Variants in UBR3 observed in about 807,000 individuals in gnomAD.
UBR3 encodes E3 ubiquitin-protein ligase UBR3.
In UBR3, 85 loss-of-function variants were observed where a neutral mutation model predicts 243.2. The observed-to-expected ratio is 0.35, with a 90% CI of 0.29 to 0.42. The LOEUF (loss-of-function observed/expected upper bound fraction) is 0.42, where lower values mean the gene tolerates loss of function less well. Among genes scored for constraint, UBR3 ranks in the 10% least tolerant of loss-of-function variants. The pLI, the probability that UBR3 is intolerant of heterozygous loss-of-function variation, is 1.00. For missense variants in UBR3, 1,686 were observed against 2,300.8 expected (o/e 0.73, Z 5.47); for synonymous variants, 748 against 799.8 (o/e 0.94, Z 1.09).
At chr2:169,839,767 T>A (rs2082232631) in intron 1 of UBR3, among the ~76,000 whole-genome samples, 1 of 152,178 alleles carries the variant, frequency 6.6e-6, no homozygotes, top group Non-Finnish European at 1.5e-5. Context: ...AGATCACAAG[T>A]AAGTGTAAAA....
Position 170,075,963 on chromosome 2 carries a change from G to A in UBR3, c.5199+2356G>A, listed in dbSNP as rs187672046. Among the ~76,000 whole-genome samples the A allele has an allele frequency of 8.2e-4, 124 of 150,418 alleles. 1 individual carries two copies. The highest frequency in any genetic ancestry group is 2.5e-3 in the Admixed American group (38 of 15,084). On this transcript the variant is annotated intron_variant, in intron 36 of 38. Coordinates refer to ENST00000272793, the MANE Select transcript of UBR3 (RefSeq NM_172070.4). ...TTGGAAGCATACTTGGTAACCTGCA[G>A]AATTGAAGAGCTTAACTGTCATCGC...
Position 170,007,819 on chromosome 2 carries a change from G to A in UBR3, c.4230+629G>A, listed in dbSNP as rs74499100. Among the ~76,000 whole-genome samples the A allele has an allele frequency of 2.7e-4, 41 of 152,152 alleles. No individual in the cohort carries two copies. In the East Asian group the frequency reaches 6.6e-3, roughly 24 times the overall value. On this transcript the variant is annotated intron_variant, in intron 28 of 38. Transcript: ENST00000272793. ...CCGGAGGTTGCAGGGAGCTGGGATC[G>A]TGCCACTCCACTCCAGTCTAGGCAG...
chr2:169,941,729 C>G (rs893862574), intron 19 of UBR3, among the ~76,000 whole-genome samples: 3 of 152,130 alleles, frequency 2.0e-5, no homozygotes, highest in Admixed American at 6.5e-5. Flanking sequence ...TTGTTATTAT[C>G]CATATTTTCA....
chr2:169,884,796 A>G (rs1284878088), intron 5 of UBR3, among the ~76,000 whole-genome samples: 4 of 152,332 alleles, frequency 2.6e-5, no homozygotes, highest in East Asian at 3.9e-4. Context: ...AAAAATGAAT[A>G]TGATTATTAT....
Position 170,060,775 on chromosome 2 carries a change from T to G in UBR3, c.4786-304T>G, listed in dbSNP as rs575356698. Reference sequence around the variant, plus strand: ...TTTTTTTTCTTTTGGATTATATCCCTGGAAAGAATTCCCAGGGGTGGGAAT... The same window carrying G: ...TTTTTTTTCTTTTGGATTATATCCCGGGAAAGAATTCCCAGGGGTGGGAAT... On this transcript the variant is annotated intron_variant, in intron 33 of 38. Coordinates refer to ENST00000272793, the MANE Select transcript of UBR3 (RefSeq NM_172070.4). Among the ~76,000 whole-genome samples, 6 of 152,218 alleles carry G rather than the reference T, an allele frequency of 3.9e-5. No individual in the cohort carries two copies. The East Asian group carries it at 1.2e-3, about 29-fold the overall frequency.
intron 1 of UBR3, among the ~76,000 whole-genome samples, chr2:169,857,520 G>T (rs113665806): frequency 6.6e-6 from 1 of 151,368 alleles, no homozygotes; most frequent in Admixed American, 6.6e-5. Flanking sequence ...AAGTTCAAGC[G>T]TTCCTCCTGC....
At chr2:169,895,109 A>G in intron 6 of UBR3, 72 bp from the exon 7 acceptor site, 1 of 1,376,756 alleles carries the variant, frequency 7.3e-7, no homozygotes. Context: ...TTTATGGTTT[A>G]TGGGTTATTA....
intron 24 of UBR3, among the ~76,000 whole-genome samples, chr2:169,963,767 T>A (rs2087685117): frequency 6.6e-6 from 1 of 152,188 alleles, no homozygotes; most frequent in Admixed American, 6.5e-5. Flanking sequence ...TAAATGCATT[T>A]TTTACCAAAA....
At chr2:169,833,608 C>A (rs1228503885) in intron 1 of UBR3, among the ~76,000 whole-genome samples, 1 of 152,074 alleles carries the variant, frequency 6.6e-6, no homozygotes, top group African/African-American at 2.4e-5. Context: ...AGAGTGCTTT[C>A]ATTCTTTTTT....
At chr2:169,959,259 G>A (rs569891205) in intron 24 of UBR3, among the ~76,000 whole-genome samples, 13 of 152,094 alleles carry the variant, frequency 8.5e-5, no homozygotes, top group East Asian at 5.8e-4. Flanking sequence ...AATGTATAGC[G>A]ATCAGTTCAG....
chr2:169,987,854 T>C (rs973424735), intron 25 of UBR3, among the ~76,000 whole-genome samples: 1 of 151,786 alleles, frequency 6.6e-6, no homozygotes, highest in African/African-American at 2.4e-5. Flanking sequence ...AATTCAAATA[T>C]GGTATTGGTT....
chr2:170,011,121 T>G (rs190638181), intron 29 of UBR3, among the ~76,000 whole-genome samples: 253 of 152,182 alleles, frequency 1.7e-3, no homozygotes, highest in African/African-American at 5.8e-3. Context: ...TATAGTGAGC[T>G]GTGATTGAGC....
At chr2:169,875,334 T>C (rs1404544041) in intron 2 of UBR3, among the ~76,000 whole-genome samples, 1 of 152,116 alleles carries the variant, frequency 6.6e-6, no homozygotes, top group Non-Finnish European at 1.5e-5. Context: ...CTGCTGCTTC[T>C]TTTTGTTGTT....
chr2:169,829,399 A>G (rs1364923146), intron 1 of UBR3, among the ~76,000 whole-genome samples: 1 of 151,742 alleles, frequency 6.6e-6, no homozygotes, highest in Non-Finnish European at 1.5e-5. Flanking sequence ...AATAATAACA[A>G]CATAATTGCA....
chr2:169,999,187 G>C (rs1362185058), intron 26 of UBR3, among the ~76,000 whole-genome samples: 1 of 152,160 alleles, frequency 6.6e-6, no homozygotes, highest in African/African-American at 2.4e-5. Context: ...GAGAGCAGCT[G>C]GTTTATTAAC....
intron 35 of UBR3, among the ~76,000 whole-genome samples, chr2:170,067,185 C>T (rs2091590909): frequency 6.6e-6 from 1 of 152,022 alleles, no homozygotes; most frequent in African/African-American, 2.4e-5. Flanking sequence ...CCTTGCCACA[C>T]AAAACATTTT....
chr2:169,882,283 TTATA>T (rs1010344097), intron 5 of UBR3, among the ~76,000 whole-genome samples: 4 of 140,326 alleles, frequency 2.9e-5, no homozygotes, highest in Admixed American at 7.4e-5. Context: ...TATCATATAT[TTATA>T]TATTGTATAT....
At position 169,939,971 on chromosome 2, in the gene UBR3, CTTTTAA is replaced by C. The variant is rs528865663; in HGVS notation, c.2664-2517_2664-2512del. Among the ~76,000 whole-genome samples, 618 of 152,114 alleles carry C rather than the reference CTTTTAA, an allele frequency of 4.1e-3. 8 individuals are homozygous for C. The highest frequency in any genetic ancestry group is 0.014 in the African/African-American group (598 of 41,540). ...TTTGGTTTTCATTTTTAATTACTCC[CTTTTAA>C]TTTTTATTGTTATAGATTTTAAAAA... On this transcript the variant is annotated intron_variant, in intron 19 of 38. Transcript: ENST00000272793.
At chr2:169,912,549 TTGTC>T (rs2085294843) in intron 10 of UBR3, among the ~76,000 whole-genome samples, 1 of 152,218 alleles carries the variant, frequency 6.6e-6, no homozygotes, top group African/African-American at 2.4e-5. Context: ...CTTCATTCCT[TTGTC>T]TGGCTAATAT....
Sources: gnomAD v4.1 joint callset for allele counts (sites outside exome capture counted in the v4.1 genomes callset) on GRCh38, gnomAD v4.1.1 for gene constraint, MANE v1.5 for transcripts, NCBI Gene and HGNC (gene_info 2026-07-23, HGNC 2026-07-21) for gene names.